Variants in RALGPS1 observed in about 807,000 individuals in gnomAD.
RALGPS1 encodes ras-specific guanine nucleotide-releasing factor RalGPS1.
In RALGPS1, 19 loss-of-function variants were observed where a neutral mutation model predicts 78.8. The observed-to-expected ratio is 0.24, with a 90% CI of 0.17 to 0.35. The LOEUF (loss-of-function observed/expected upper bound fraction) is 0.35. Ranked by LOEUF, RALGPS1 falls within the 10% of genes least tolerant of loss-of-function variation. The pLI is 1.00. For missense variants in RALGPS1, 454 were observed against 688.3 expected (o/e 0.66, Z 3.81); for synonymous variants, 228 against 256.3 (o/e 0.89, Z 1.06).
At chr9:127,108,960 C>T (rs1257784542) in intron 8 of RALGPS1, among the ~76,000 whole-genome samples, 1 of 152,210 alleles carries the variant, frequency 6.6e-6, no homozygotes, top group African/African-American at 2.4e-5. Flanking sequence ...CAAGAGGAGA[C>T]AGGCAAGCCC....
At position 127,183,984 on chromosome 9, in the gene RALGPS1, C is replaced by T; in HGVS notation, c.910+9202C>T. On this transcript the variant is annotated intron_variant, in intron 11 of 18. Coordinates refer to ENST00000259351, the MANE Select transcript of RALGPS1 (RefSeq NM_014636.3). This position sits in a 1 kb window ranked among gnomAD's most constrained non-coding sequence, Gnocchi z 4.0. Reference sequence around the variant, plus strand: ...AGCTCCTCACGAGTACCAGCGGCTCCCCCAGCATCTGCTGCTCCGCGCTCC... The same window carrying T: ...AGCTCCTCACGAGTACCAGCGGCTCTCCCAGCATCTGCTGCTCCGCGCTCC... 6.5e-7 allele frequency: 1 copy of T among 1,550,304 alleles called. No homozygotes were observed. Among genetic ancestry groups the T allele is most frequent in the Non-Finnish European group, 8.7e-7 (1 of 1,146,954 alleles).
chr9:127,184,618 A>G (rs2060517004), intron 11 of RALGPS1, among the ~76,000 whole-genome samples: 1 of 152,220 alleles, frequency 6.6e-6, no homozygotes, highest in African/African-American at 2.4e-5. Context: ...GAGGACACTG[A>G]GCCCCCTTCA....
intron 8 of RALGPS1, chr9:127,108,408 C>G: frequency 1.2e-6 from 2 of 1,608,964 alleles, no homozygotes; most frequent in East Asian, 2.2e-5. Flanking sequence ...CCTCCACCAG[C>G]TGCTGCAGCG....
At chr9:127,083,538 T>C (rs1206317614) in intron 8 of RALGPS1, among the ~76,000 whole-genome samples, 1 of 152,224 alleles carries the variant, frequency 6.6e-6, no homozygotes, top group African/African-American at 2.4e-5. Context: ...TTGAAGGCTT[T>C]CCAGGCAATT....
intron 5 of RALGPS1, among the ~76,000 whole-genome samples, chr9:127,042,353 C>T (rs1322775174): frequency 5.9e-5 from 9 of 152,016 alleles, no homozygotes; most frequent in African/African-American, 9.7e-5. Context: ...GTGTTTGGCT[C>T]CTTCAGCAAT....
intron 1 of RALGPS1, among the ~76,000 whole-genome samples, chr9:126,945,189 T>G (rs1453494707): frequency 1.3e-5 from 2 of 151,998 alleles, no homozygotes; most frequent in Non-Finnish European, 2.9e-5. Flanking sequence ...CTTTGTCAGG[T>G]GTCCTCTCTT....
chr9:127,085,315 C>T (rs184654364), intron 8 of RALGPS1, among the ~76,000 whole-genome samples: 75 of 152,228 alleles, frequency 4.9e-4, no homozygotes, highest in Admixed American at 2.4e-3. Context: ...ACCACCATGG[C>T]GAACTTAGTA....
chr9:127,191,704 T>TG (rs1020201788), intron 11 of RALGPS1, among the ~76,000 whole-genome samples: 4 of 148,224 alleles, frequency 2.7e-5, no homozygotes, highest in East Asian at 2.0e-4. Context: ...TTTTTTGTTT[T>TG]TTTTTTTTTT....
chr9:126,967,092 A>G (rs2039582215), intron 3 of RALGPS1, among the ~76,000 whole-genome samples: 1 of 152,162 alleles, frequency 6.6e-6, no homozygotes, highest in African/African-American at 2.4e-5. Flanking sequence ...GCTGGGCCCC[A>G]TGTCATTGCT....
At chr9:127,217,147 A>G in intron 18 of RALGPS1, 1 of 1,286,978 alleles carries the variant, frequency 7.8e-7, no homozygotes, top group Non-Finnish European at 9.8e-7. Context: ...GCAGAGCACT[A>G]ATGGGTCAGT....
intron 7 of RALGPS1, among the ~76,000 whole-genome samples, chr9:127,059,093 G>A (rs2048984954): frequency 6.6e-6 from 1 of 152,144 alleles, no homozygotes; most frequent in South Asian, 2.1e-4. Flanking sequence ...AAGAACTAAG[G>A]CCACTTTGCA....
At chr9:127,019,665 ATTGT>A (rs2134128409) in intron 4 of RALGPS1, among the ~76,000 whole-genome samples, 1 of 152,150 alleles carries the variant, frequency 6.6e-6, no homozygotes, top group African/African-American at 2.4e-5. Context: ...ATAATATTCC[ATTGT>A]ATAAATGTAC....
intron 5 of RALGPS1, among the ~76,000 whole-genome samples, chr9:127,039,045 G>A (rs987207660): frequency 1.2e-4 from 18 of 152,226 alleles, no homozygotes; most frequent in African/African-American, 4.3e-4. Context: ...GTATGCAGGA[G>A]GTCATTGGAT....
At chr9:126,996,247 G>GT (rs1166607596) in intron 4 of RALGPS1, among the ~76,000 whole-genome samples, 14 of 151,932 alleles carry the variant, frequency 9.2e-5, no homozygotes, top group South Asian at 2.1e-4. Flanking sequence ...CCAGGAGCTG[G>GT]TTTTTTTGAA....
At chr9:126,960,164 TTCCCTCCC>T (rs1201890808) in intron 1 of RALGPS1, among the ~76,000 whole-genome samples, 2 of 127,520 alleles carry the variant, frequency 1.6e-5, no homozygotes, top group African/African-American at 3.0e-5. Flanking sequence ...CTTCCCTTCC[TTCCCTCCC>T]TCCCTCCCTC....
At chr9:126,956,290 CCT>C (rs2038332682) in intron 1 of RALGPS1, among the ~76,000 whole-genome samples, 1 of 152,122 alleles carries the variant, frequency 6.6e-6, no homozygotes, top group Non-Finnish European at 1.5e-5. Context: ...CAGTCTGCTC[CCT>C]GATACAGAAC....
chr9:127,093,808 G>T, intron 8 of RALGPS1: 1 of 1,614,038 alleles, frequency 6.2e-7, no homozygotes, highest in Non-Finnish European at 8.5e-7. Context: ...AGCCCCCGGG[G>T]TCGTGTCTCT....
At chr9:127,050,154 T>C in intron 6 of RALGPS1, 22 bp downstream of exon 6, 2 of 1,555,030 alleles carry the variant, frequency 1.3e-6, no homozygotes, top group Non-Finnish European at 1.8e-6. Flanking sequence ...ATTATTATTT[T>C]TCCTTCCTTT....
chr9:126,957,758 C>T (rs1261764935), intron 1 of RALGPS1, among the ~76,000 whole-genome samples: 2 of 152,068 alleles, frequency 1.3e-5, no homozygotes, highest in African/African-American at 4.8e-5. Flanking sequence ...TCCTGGGAAG[C>T]CTTTCCTTGC....
Sources: allele counts gnomAD v4.1 joint callset (sites outside exome capture counted in the v4.1 genomes callset), GRCh38; gene constraint gnomAD v4.1.1; non-coding constraint Gnocchi (gnomAD v3.1); transcripts MANE v1.5; gene names NCBI Gene and HGNC (gene_info 2026-07-23, HGNC 2026-07-21).